The following MET variants were observed in gnomAD, a reference collection of about 807,000 sequenced individuals.
The protein encoded by MET is MET proto-oncogene, receptor tyrosine kinase, also known as hepatocyte growth factor receptor.
Under a neutral mutation model 133.1 loss-of-function variants are expected in MET, and 48 were observed. That is an observed-to-expected ratio of 0.36 (90% CI 0.29 to 0.46). The LOEUF (loss-of-function observed/expected upper bound fraction) is 0.46, where lower values mean the gene tolerates loss of function less well. Among genes scored for constraint, MET ranks in the 20% least tolerant of loss-of-function variants. The pLI, the probability that MET is intolerant of heterozygous loss-of-function variation, is 1.00. For missense variants in MET, 1,442 were observed against 1,695.9 expected, an observed-to-expected ratio of 0.85 and a Z score of 2.63; for synonymous variants, 628 against 616.5, an observed-to-expected ratio of 1.02 and a Z score of -0.28.
intron 19 of MET, among the ~76,000 whole-genome samples, chr7:116,785,915 G>A (rs1795297834): frequency 6.6e-6 from 1 of 152,252 alleles, no homozygotes. Flanking sequence ...AACACACTGA[G>A]TTTGCCTTGG....
At chr7:116,690,582 T>C (rs1407428091) in intron 1 of MET, among the ~76,000 whole-genome samples, 2 of 152,242 alleles carry the variant, frequency 1.3e-5, no homozygotes, top group East Asian at 3.8e-4. Flanking sequence ...ACATGGCCTA[T>C]TGTTTTATCT....
intron 2 of MET, among the ~76,000 whole-genome samples, chr7:116,708,912 A>G (rs1791894634): frequency 6.6e-6 from 1 of 152,148 alleles, no homozygotes; most frequent in South Asian, 2.1e-4. Context: ...CTCTTTTGAA[A>G]CTATCAAAAT....
In MET at chr7:116,740,854, C is replaced by T. The variant is rs2116833737; in HGVS notation, c.1530C>T (p.Ile510=). Residue 510 remains isoleucine (I), a splice_region_variant and synonymous_variant, in exon 5 of 21, where the codon ATC becomes ATT. Transcript: ENST00000397752. ...CTTTCCACCCCTTCTCTTCACAGAT[C>T]ACGAAGATCCCATTGAATGGCTTGG... is the stretch of plus-strand genomic sequence containing the variant. The part of the protein sequence containing the change: ...GYTLVITGKK[I]TKIPLNGLGC... The T allele has an allele frequency of 6.2e-7, 1 of 1,614,022 alleles. No individual in the cohort carries two copies. Among genetic ancestry groups the T allele is most frequent in the Non-Finnish European group, 8.5e-7 (1 of 1,180,024 alleles).
chr7:116,773,430 C>T (rs1794893998), intron 14 of MET, among the ~76,000 whole-genome samples: 1 of 152,162 alleles, frequency 6.6e-6, no homozygotes, highest in Admixed American at 6.6e-5. Flanking sequence ...GTTTTCATGC[C>T]AAAGGGCTTT....
chr7:116,674,444 T>G (rs1348720324), intron 1 of MET, among the ~76,000 whole-genome samples: 1 of 152,244 alleles, frequency 6.6e-6, no homozygotes, highest in Non-Finnish European at 1.5e-5. Flanking sequence ...ATTGTCTTAA[T>G]GAGGGCTAGA....
intron 5 of MET, among the ~76,000 whole-genome samples, chr7:116,753,612 A>G (rs1794014395): frequency 6.6e-6 from 1 of 152,326 alleles, no homozygotes; most frequent in East Asian, 1.9e-4. Flanking sequence ...GGAAAAATTT[A>G]ATCCTAAAAA....
chr7:116,721,554 C>G (rs551513741), intron 2 of MET, among the ~76,000 whole-genome samples: 1 of 152,262 alleles, frequency 6.6e-6, no homozygotes, highest in African/African-American at 2.4e-5. Flanking sequence ...TCTTGCTTTT[C>G]TAGTTCTTTT....
chr7:116,701,805 A>G (rs1366206974), intron 2 of MET, among the ~76,000 whole-genome samples: 1 of 152,114 alleles, frequency 6.6e-6, no homozygotes, highest in East Asian at 1.9e-4. Context: ...CAGAGAAGAT[A>G]TTTTTCTGCA....
intron 2 of MET, among the ~76,000 whole-genome samples, chr7:116,715,712 C>G (rs148234397): frequency 8.1e-4 from 123 of 152,282 alleles, no homozygotes; most frequent in African/African-American, 2.7e-3. Flanking sequence ...TCCCACTTTA[C>G]AAGTGAAGAA....
chr7:116,758,411 G>A (rs762057806), intron 8 of MET, 48 bp from the exon 9 acceptor site: 27 of 1,551,408 alleles, frequency 1.7e-5, no homozygotes, highest in Non-Finnish European at 1.6e-5. Flanking sequence ...TCTAAAATAT[G>A]TGTATCTCTA....
At chr7:116,693,997 G>A (rs976589711) in intron 1 of MET, among the ~76,000 whole-genome samples, 1 of 152,206 alleles carries the variant, frequency 6.6e-6, no homozygotes, top group Admixed American at 6.5e-5. Flanking sequence ...CTTGCCTAAG[G>A]TAACATGGAC....
chr7:116,786,498 A>G (rs1471629689), intron 19 of MET, among the ~76,000 whole-genome samples: 1 of 152,222 alleles, frequency 6.6e-6, no homozygotes, highest in East Asian at 1.9e-4. Flanking sequence ...AAAGACCACC[A>G]TGAAAGTCAG....
intron 5 of MET, 182 bp downstream of exon 5, chr7:116,741,207 A>T: frequency 1.4e-6 from 1 of 707,422 alleles, no homozygotes; most frequent in Admixed American, 2.7e-5. Context: ...TCTTGGCTTT[A>T]TCCCTCGGGC....
intron 11 of MET, among the ~76,000 whole-genome samples, chr7:116,767,585 T>C (rs1426299544): frequency 6.6e-6 from 1 of 152,098 alleles, no homozygotes; most frequent in Admixed American, 6.6e-5. Context: ...CTTTGCAGGA[T>C]AATATGAGAT....
chr7:116,780,331 T>C lies in MET; in HGVS notation c.3522+1374T>C, dbSNP rs541474191. 2.6e-5 allele frequency among the ~76,000 whole-genome samples: 4 copies of C among 152,232 alleles called. No individual in the cohort carries two copies. The East Asian group carries it at 5.8e-4, about 22-fold the overall frequency. On this transcript the variant is annotated intron_variant, in intron 17 of 20. Transcript: ENST00000397752. ...AGTTGATCAAAAGCAACTTTATAAA[T>C]ATGGGGTCAAATTATCAGAGAAAAT...
At chr7:116,746,133 A>G (rs966564308) in intron 5 of MET, among the ~76,000 whole-genome samples, 2 of 152,252 alleles carry the variant, frequency 1.3e-5, no homozygotes, top group African/African-American at 4.8e-5. Context: ...ATGAACAGAC[A>G]CTTCTCAAAA....
intron 6 of MET, among the ~76,000 whole-genome samples, chr7:116,756,863 T>C (rs1368943546): frequency 6.6e-6 from 1 of 152,174 alleles, no homozygotes; most frequent in Non-Finnish European, 1.5e-5. Flanking sequence ...ACTATTCAAC[T>C]GGTGAGGTCT....
Position 116,738,076 on chromosome 7 carries a change from G to C in MET, c.1393-1874G>C, listed in dbSNP as rs139463164. On this transcript the variant is annotated intron_variant, in intron 3 of 20. Coordinates refer to ENST00000397752, the MANE Select transcript of MET (RefSeq NM_000245.4). ...AATCTTCAGTGAAGTGCAAAGCATA[G>C]AATGAGCTGGAAAACAAAGTCAGGG... Among the ~76,000 whole-genome samples the C allele has an allele frequency of 6.8e-3, 1,041 of 152,328 alleles. 5 individuals carry two copies. The highest frequency in any genetic ancestry group is 0.011 in the Non-Finnish European group (732 of 68,028).
At chr7:116,696,548 A>G (rs375651515) in intron 1 of MET, among the ~76,000 whole-genome samples, 43 of 152,322 alleles carry the variant, frequency 2.8e-4, no homozygotes, top group African/African-American at 9.9e-4. Context: ...TGAGACCCTC[A>G]CTTGGCTTTT....
Sources: allele counts gnomAD v4.1 joint callset (sites outside exome capture counted in the v4.1 genomes callset), GRCh38; gene constraint gnomAD v4.1.1; transcripts MANE v1.5; gene names NCBI Gene and HGNC (gene_info 2026-07-23, HGNC 2026-07-21).